Variants in DMD observed in about 807,000 individuals in gnomAD.
DMD encodes dystrophin, also known as mutant dystrophin.
DMD carries 63 observed loss-of-function variants against 330.1 expected under a neutral mutation model. The ratio of observed to expected loss-of-function variants is 0.19; its 90% confidence interval spans 0.16 to 0.24. The LOEUF (loss-of-function observed/expected upper bound fraction) is 0.24, where lower values mean the gene tolerates loss of function less well. Ranked by LOEUF, DMD falls within the 10% of genes least tolerant of loss-of-function variation. The probability of loss-of-function intolerance (pLI) is 1.00; values close to 1 mark genes in which losing one functional copy is unlikely to be tolerated. For synonymous variants in DMD, 1,223 were observed against 959.8 expected, an observed-to-expected ratio of 1.27 and a Z score of -5.07; for missense variants, 3,344 against 2,684.1, an observed-to-expected ratio of 1.25 and a Z score of -5.43.
At position 32,816,347 on chromosome X, in the gene DMD, T is replaced by C. The variant is rs2148804898; in HGVS notation, c.530+121A>G. On this transcript the variant is annotated intron_variant, in intron 6 of 78. Coordinates refer to ENST00000357033, the MANE Select transcript of DMD (RefSeq NM_004006.3). ...CCAATGGAACGTTAGATCAATGTGG[T>C]CAATGTACATAACATGTTGTAAAGT... is the stretch of plus-strand genomic sequence containing the variant. 10 of 748,685 alleles carry C rather than the reference T, an allele frequency of 1.3e-5. 1 individual carries two copies. The South Asian group carries it at 2.1e-4, about 15-fold the overall frequency. The allele number at this position is 748,685 out of a possible 1,213,427, so 61.7% of individuals were successfully genotyped here. A position where few individuals can be genotyped will look rare whatever the true frequency, so the allele number is the denominator to read the frequency against.
At chrX:33,005,279 C>CACACACACAG (rs1220710572) in intron 2 of DMD, among the ~76,000 whole-genome samples, 2 of 81,974 alleles carry the variant, frequency 2.4e-5, no homozygotes, top group Non-Finnish European at 5.4e-5. Context: ...CACACAAACA[C>CACACACACAG]ACACACACAC....
chrX:31,212,778 A>G (rs1232551865), intron 64 of DMD, among the ~76,000 whole-genome samples: 1 of 111,407 alleles, frequency 9.0e-6, no homozygotes, highest in Admixed American at 9.5e-5. Context: ...ATGGAGGTAC[A>G]TATTGTAAGG....
At chrX:31,612,669 GTA>G (rs941397248) in intron 55 of DMD, among the ~76,000 whole-genome samples, 2 of 111,505 alleles carry the variant, frequency 1.8e-5, no homozygotes, top group African/African-American at 6.5e-5. Flanking sequence ...ATATTAATTG[GTA>G]CACACTGGTA....
chrX:32,391,511 A>G (rs1379010438), intron 30 of DMD, among the ~76,000 whole-genome samples: 1 of 112,112 alleles, frequency 8.9e-6, no homozygotes, highest in Non-Finnish European at 1.9e-5. Context: ...CCTAACAATT[A>G]TAGAGGCAAA....
chrX:32,493,011 T>A (rs1569564826), intron 19 of DMD, among the ~76,000 whole-genome samples: 1 of 111,674 alleles, frequency 9.0e-6, no homozygotes, highest in Non-Finnish European at 1.9e-5. Context: ...AATTTTCTGG[T>A]AATATAATTT....
chrX:32,062,860 CTG>C (rs2096235755), intron 44 of DMD, among the ~76,000 whole-genome samples: 1 of 109,537 alleles, frequency 9.1e-6, no homozygotes, highest in African/African-American at 3.3e-5. Flanking sequence ...AAAACAGAAA[CTG>C]AATGTAGAGT....
intron 9 of DMD, among the ~76,000 whole-genome samples, chrX:32,660,974 C>A (rs1207773915): frequency 9.0e-6 from 1 of 111,060 alleles, no homozygotes; most frequent in Admixed American, 9.6e-5. Flanking sequence ...ACCAAAAACG[C>A]TAATAAATAA....
rs1569280876 is a variant in DMD at position 31,121,024 on chromosome X, T to C, written c.*895A>G. ...TTAAAATGAGAAACATCTGGAGCTG[T>C]AGACAATGTTTTAGTGTGGTGTAGT... is the stretch of plus-strand genomic sequence containing the variant. On this transcript the variant is annotated 3_prime_UTR_variant, in exon 79 of 79. Transcript: ENST00000357033. The C allele has an allele frequency of 1.8e-5, 2 of 111,833 alleles. No homozygotes were observed. Among genetic ancestry groups the C allele is most frequent in the Admixed American group, 9.6e-5 (1 of 10,461 alleles). The allele number at this position is 111,833 out of a possible 1,213,427, so 9.2% of individuals were successfully genotyped here. A position where few individuals can be genotyped will look rare whatever the true frequency, so the allele number is the denominator to read the frequency against.
intron 30 of DMD, among the ~76,000 whole-genome samples, chrX:32,396,304 G>A (rs1326524124): frequency 9.0e-6 from 1 of 110,587 alleles, no homozygotes; most frequent in Non-Finnish European, 1.9e-5. Context: ...TAGAAAGGTC[G>A]CCACCACTAA....
intron 17 of DMD, among the ~76,000 whole-genome samples, chrX:32,534,300 A>G (rs907743018): frequency 9.0e-6 from 1 of 111,563 alleles, no homozygotes; most frequent in Admixed American, 9.5e-5. Flanking sequence ...TGTAAACTCC[A>G]GTGCTGGAAA....
intron 44 of DMD, among the ~76,000 whole-genome samples, chrX:32,176,277 A>ATT (rs2096906199): frequency 8.9e-6 from 1 of 112,194 alleles, no homozygotes; most frequent in Admixed American, 9.4e-5. Context: ...ATCCCTGCTT[A>ATT]CTAAAATTAC....
At chrX:33,250,455 G>T (rs955561061) in intron 1 of DMD, among the ~76,000 whole-genome samples, 1 of 110,618 alleles carries the variant, frequency 9.0e-6, no homozygotes, top group Non-Finnish European at 1.9e-5. Context: ...CTCACCTCCT[G>T]CTGTGCAGCT....
intron 44 of DMD, among the ~76,000 whole-genome samples, chrX:32,004,250 C>A (rs1225363806): frequency 1.8e-5 from 2 of 111,154 alleles, no homozygotes; most frequent in Non-Finnish European, 3.8e-5. Context: ...CCTAGAAATG[C>A]GTAAGATAAA....
At chrX:32,707,942 C>T (rs1294769748) in intron 7 of DMD, among the ~76,000 whole-genome samples, 3 of 112,062 alleles carry the variant, frequency 2.7e-5, no homozygotes, top group African/African-American at 9.7e-5. Flanking sequence ...TTGTCACCTG[C>T]GGTTTTCGTG....
intron 60 of DMD, among the ~76,000 whole-genome samples, chrX:31,443,544 C>CTT: frequency 9.5e-6 from 1 of 105,719 alleles, no homozygotes; most frequent in African/African-American, 3.7e-5. Flanking sequence ...TTTATTATCG[C>CTT]ATTTTTTTTT....
At chrX:33,150,292 CTTTTTTT>C (rs67904733) in intron 1 of DMD, among the ~76,000 whole-genome samples, 3 of 87,622 alleles carry the variant, frequency 3.4e-5, no homozygotes, top group Non-Finnish European at 4.5e-5. Flanking sequence ...AAAAGTCAGT[CTTTTTTT>C]TTTTTTTTTT....
chrX:31,717,214 T>C (rs2085132388), intron 52 of DMD, among the ~76,000 whole-genome samples: 1 of 111,921 alleles, frequency 8.9e-6, no homozygotes, highest in African/African-American at 3.2e-5. Context: ...AGTTAGATTT[T>C]ATTTGTCCCA....
Position 31,968,471 on chromosome X carries a change from G to A in DMD, c.6482C>T (p.Thr2161Ile). ...TATTTCTTCCCCAGTTGCATTCAAT[G>A]TTCTGACAACAGTTTGCCGCTGCCC... ...GIGQRQTVVR[T>I]LNATGEEIIQ... is the part of the protein sequence containing the mutation. Residue 2161 changes from threonine to isoleucine, a missense_variant, in exon 45 of 79, where the codon ACA becomes ATA. Thr to Ile is a moderately conservative substitution (Grantham distance 89). Coordinates refer to ENST00000357033, the MANE Select transcript of DMD (RefSeq NM_004006.3). The A allele has an allele frequency of 3.3e-6, 4 of 1,210,590 alleles. No homozygotes were observed. In the South Asian group the frequency reaches 5.3e-5, roughly 16 times the overall value.
At position 31,478,985 on chromosome X, in the gene DMD, C is replaced by T. The variant is rs1283332612; in HGVS notation, c.8666G>A (p.Arg2889Lys). The T allele has an allele frequency of 1.7e-6, 2 of 1,210,333 alleles. No individual in the cohort carries two copies. The highest frequency in any genetic ancestry group is 2.2e-6 in the Non-Finnish European group (2 of 894,451). ...EGLEKLYQEPRELPPEERAQN... is the reference protein window; with the variant it reads ...EGLEKLYQEPKELPPEERAQN... Reference sequence around the variant, plus strand: ...ATTATAGTTCCACATTCAATTACCTCTGGGCTCCTGGTAGAGTTTCTCTAG... The same window carrying T: ...ATTATAGTTCCACATTCAATTACCTTTGGGCTCCTGGTAGAGTTTCTCTAG... Residue 2889 changes from arginine (R) to lysine (K), a missense_variant and splice_region_variant, in exon 58 of 79, where the codon AGA becomes AAA. Arg to Lys is a conservative substitution (Grantham distance 26). Coordinates refer to ENST00000357033, the MANE Select transcript of DMD (RefSeq NM_004006.3).
Sources: gnomAD v4.1 joint callset for allele counts (sites outside exome capture counted in the v4.1 genomes callset) on GRCh38, gnomAD v4.1.1 for gene constraint, MANE v1.5 for transcripts, NCBI Gene and HGNC (gene_info 2026-07-23, HGNC 2026-07-21) for gene names.